The following CDH22 variants were observed in gnomAD, a reference collection of about 807,000 sequenced individuals.
CDH22 encodes cadherin 22, also known as cadherin-22.
CDH22 carries 30 observed loss-of-function variants against 58.4 expected under a neutral mutation model. That is an observed-to-expected ratio of 0.51 (90% confidence interval 0.38 to 0.70). The LOEUF is 0.70. Among genes scored for constraint, CDH22 ranks in the 30% least tolerant of loss-of-function variants. CDH22 has a pLI of 0.00. For missense variants in CDH22, 1,014 were observed against 1,233.9 expected (o/e 0.82, Z 2.67); for synonymous variants, 513 against 558.2 (o/e 0.92, Z 1.14).
rs1202833053 is a variant in CDH22, at chr20:46,216,169, T to C, written c.838+657A>G. ...GGCTTCCCTGTAGTGGCTCTCGGCC[T>C]GAGCCTGGGACAGAGGGGTTGGCTG... On this transcript the variant is annotated intron_variant, in intron 5 of 11. Coordinates refer to ENST00000537909, the MANE Select transcript of CDH22 (RefSeq NM_021248.3). The surrounding 1 kb of genome is among the most constrained non-coding windows in gnomAD (Gnocchi z 5.3). 6.6e-6 allele frequency among the ~76,000 whole-genome samples: 1 copy of C among 152,132 alleles called. No individual in the cohort carries two copies. The highest frequency in any genetic ancestry group is 1.5e-5 in the Non-Finnish European group (1 of 68,026).
At chr20:46,189,366 G>T (rs911794568) in intron 8 of CDH22, among the ~76,000 whole-genome samples, 2 of 152,202 alleles carry the variant, frequency 1.3e-5, no homozygotes, top group Non-Finnish European at 2.9e-5. Context: ...TTGGGAAGAG[G>T]GGGGTGAGGC....
chr20:46,248,234 G>T (rs1488736496), intron 2 of CDH22, among the ~76,000 whole-genome samples: 1 of 152,216 alleles, frequency 6.6e-6, no homozygotes, highest in South Asian at 2.1e-4. Flanking sequence ...CTGTTGAGGT[G>T]ATAAAGGCTA....
In CDH22 at chr20:46,241,380, A is replaced by G; in HGVS notation, c.256-123T>C. 1 of 843,952 alleles carries G rather than the reference A, an allele frequency of 1.2e-6. No homozygotes were observed. Among genetic ancestry groups the G allele is most frequent in the South Asian group, 1.8e-5 (1 of 55,298 alleles). The allele number at this position is 843,952 out of a possible 1,614,324, so 52.3% of individuals were successfully genotyped here. A position where few individuals can be genotyped will look rare whatever the true frequency, so the allele number is the denominator to read the frequency against. ...TCTTCTCCAGCACATACACATCTTT[A>G]GTGAGGACACTGAGGCCCAGCAGCC... On this transcript the variant is annotated intron_variant, in intron 2 of 11. Coordinates refer to ENST00000537909, the MANE Select transcript of CDH22 (RefSeq NM_021248.3). The surrounding 1 kb of genome is among the most constrained non-coding windows in gnomAD (Gnocchi z 5.2).
chr20:46,291,539 C>T (rs2086602863), intron 1 of CDH22, among the ~76,000 whole-genome samples: 1 of 152,222 alleles, frequency 6.6e-6, no homozygotes, highest in African/African-American at 2.4e-5. Flanking sequence ...CTCCAGGCTT[C>T]TGTTTTCCAT....
At chr20:46,209,307 G>T (rs2086022458) in intron 7 of CDH22, among the ~76,000 whole-genome samples, 1 of 152,202 alleles carries the variant, frequency 6.6e-6, no homozygotes. Flanking sequence ...GAGTGCAGAT[G>T]AGCGTGGTGT....
At chr20:46,263,721 C>T (rs1333673725) in intron 1 of CDH22, among the ~76,000 whole-genome samples, 2 of 152,012 alleles carry the variant, frequency 1.3e-5, no homozygotes, top group Admixed American at 1.3e-4. Context: ...AGGGGAAGAG[C>T]AGAGTGTGAG....
chr20:46,257,389 C>T (rs1476497712), intron 1 of CDH22, among the ~76,000 whole-genome samples: 2 of 151,756 alleles, frequency 1.3e-5, no homozygotes, highest in South Asian at 2.1e-4. Flanking sequence ...TTCAATAATT[C>T]GGCAGAGGAC....
At chr20:46,205,770 A>G (rs2085998170) in intron 7 of CDH22, among the ~76,000 whole-genome samples, 1 of 152,068 alleles carries the variant, frequency 6.6e-6, no homozygotes, top group Non-Finnish European at 1.5e-5. Context: ...GTGGCATTCA[A>G]TGTCCTTCGC....
At chr20:46,267,976 T>C (rs2086469454) in intron 1 of CDH22, among the ~76,000 whole-genome samples, 1 of 152,234 alleles carries the variant, frequency 6.6e-6, no homozygotes, top group Non-Finnish European at 1.5e-5. Context: ...GGGCCTCAGC[T>C]GCTCCCACAG....
chr20:46,225,007 C>A (rs1469641677), intron 4 of CDH22, among the ~76,000 whole-genome samples: 1 of 152,220 alleles, frequency 6.6e-6, no homozygotes, highest in African/African-American at 2.4e-5. Context: ...AGCTCTGTAG[C>A]AGCAGCCCAA....
intron 3 of CDH22, among the ~76,000 whole-genome samples, chr20:46,228,429 A>T (rs2086196260): frequency 6.6e-6 from 1 of 151,992 alleles, no homozygotes; most frequent in South Asian, 2.1e-4. Flanking sequence ...CAATTAAGTT[A>T]TTGATTTTTG....
At chr20:46,191,320 A>G (rs1298435544) in intron 8 of CDH22, among the ~76,000 whole-genome samples, 1 of 152,012 alleles carries the variant, frequency 6.6e-6, no homozygotes, top group Non-Finnish European at 1.5e-5. Flanking sequence ...CTGGGGTGGG[A>G]GGGGAGGATG....
Position 46,240,962 on chromosome 20 carries a change from C to T in CDH22, c.550+1G>A. 1 of 1,610,114 alleles carries T rather than the reference C, an allele frequency of 6.2e-7. No individual in the cohort carries two copies. Reference sequence around the variant, plus strand: ...CCCCACCCCCAGGGCCCACAGCCCACCTGTAGGTGAGAGCTCGGCCACGCT... The same window carrying T: ...CCCCACCCCCAGGGCCCACAGCCCATCTGTAGGTGAGAGCTCGGCCACGCT... On this transcript the variant is annotated splice_donor_variant, in intron 3 of 11. Transcript: ENST00000537909. LOFTEE classifies it high-confidence loss of function.
chr20:46,177,417 A>G (rs1027205574), intron 11 of CDH22, among the ~76,000 whole-genome samples: 1 of 152,086 alleles, frequency 6.6e-6, no homozygotes, highest in Non-Finnish European at 1.5e-5. Flanking sequence ...CCCACCACCA[A>G]TGACTTGAGA....
intron 10 of CDH22, among the ~76,000 whole-genome samples, chr20:46,180,091 T>A (rs2085773703): frequency 6.6e-6 from 1 of 152,236 alleles, no homozygotes; most frequent in African/African-American, 2.4e-5. Context: ...TTACAGCACT[T>A]GTCACGTTGT....
intron 10 of CDH22, among the ~76,000 whole-genome samples, chr20:46,178,860 A>G (rs529173556): frequency 6.6e-6 from 1 of 152,244 alleles, no homozygotes; most frequent in Admixed American, 6.5e-5. Flanking sequence ...GGCTGAGCCT[A>G]GAGGGCTGGG....
chr20:46,227,464 G>GGCCCCCC, intron 4 of CDH22, 44 bp downstream of exon 4: 7 of 1,351,084 alleles, frequency 5.2e-6, no homozygotes, highest in Non-Finnish European at 5.1e-6. Context: ...CCCGCCCCTG[G>GGCCCCCC]CCCCGCCCCA....
chr20:46,221,854 A>G (rs1039805233), intron 4 of CDH22, among the ~76,000 whole-genome samples: 4 of 152,196 alleles, frequency 2.6e-5, no homozygotes, highest in African/African-American at 9.7e-5. Flanking sequence ...AAAACAGTCC[A>G]TGAAGTTGTT....
chr20:46,199,839 T>C (rs1020849674), intron 7 of CDH22, among the ~76,000 whole-genome samples: 3 of 152,344 alleles, frequency 2.0e-5, no homozygotes, highest in East Asian at 1.9e-4. Context: ...GTCGTGAGGG[T>C]TGGAAGCTGG....
Sources: gnomAD v4.1 joint callset for allele counts (sites outside exome capture counted in the v4.1 genomes callset) on GRCh38, gnomAD v4.1.1 for gene constraint, Gnocchi (gnomAD v3.1) non-coding constraint, MANE v1.5 for transcripts, NCBI Gene and HGNC (gene_info 2026-07-23, HGNC 2026-07-21) for gene names.